The following TMTC2 variants were observed in gnomAD, a reference collection of about 807,000 sequenced individuals.
TMTC2 encodes the protein protein O-mannosyl-transferase TMTC2.
A neutral mutation model predicts 82.4 loss-of-function variants in TMTC2; 43 were observed. The ratio of observed to expected loss-of-function variants is 0.52; its 90% CI spans 0.41 to 0.67. TMTC2 has a LOEUF of 0.67. Among genes scored for constraint, TMTC2 ranks in the 30% least tolerant of loss-of-function variants. TMTC2 has a pLI of 0.00. For synonymous variants in TMTC2, 408 were observed against 381.9 expected (o/e 1.07, Z -0.80); for missense variants, 919 against 1,012.4 (o/e 0.91, Z 1.25).
intron 8 of TMTC2, among the ~76,000 whole-genome samples, chr12:83,024,147 T>C (rs1418238770): frequency 6.6e-6 from 1 of 152,190 alleles, no homozygotes; most frequent in Non-Finnish European, 1.5e-5. Context: ...CTCAAGTTGA[T>C]GGACACCCCA....
At chr12:82,909,504 C>A (rs1474096718) in intron 3 of TMTC2, among the ~76,000 whole-genome samples, 2 of 151,856 alleles carry the variant, frequency 1.3e-5, no homozygotes, top group African/African-American at 4.8e-5. Context: ...CACACCCTGC[C>A]AATTTTTTTG....
chr12:82,995,994 C>T (rs1879600538), intron 8 of TMTC2, among the ~76,000 whole-genome samples: 1 of 152,104 alleles, frequency 6.6e-6, no homozygotes, highest in South Asian at 2.1e-4. Flanking sequence ...TATGTGGTAT[C>T]TCATGTACAT....
intron 9 of TMTC2, among the ~76,000 whole-genome samples, chr12:83,045,940 C>T (rs1054412357): frequency 2.6e-5 from 4 of 152,206 alleles, no homozygotes; most frequent in Non-Finnish European, 4.4e-5. Context: ...TAACATATCA[C>T]CCCAGAAGTA....
intron 1 of TMTC2, among the ~76,000 whole-genome samples, chr12:82,776,615 G>GAAAAAAAA (rs750550745): frequency 1.1e-5 from 1 of 87,374 alleles, no homozygotes. Context: ...TGTCTCTAAT[G>GAAAAAAAA]AAAAAAAAAA....
chr12:83,078,029 T>A (rs2137499723), intron 11 of TMTC2, among the ~76,000 whole-genome samples: 1 of 151,934 alleles, frequency 6.6e-6, no homozygotes, highest in East Asian at 1.9e-4. Flanking sequence ...AGGGACAACA[T>A]CAAGGGTAGG....
chr12:82,757,699 GT>G (rs1876413725), intron 1 of TMTC2, among the ~76,000 whole-genome samples: 1 of 152,188 alleles, frequency 6.6e-6, no homozygotes, highest in South Asian at 2.1e-4. Context: ...GGCATCAAGT[GT>G]TGATAATTCT....
chr12:83,114,857 ATATATGTGTGTATATATG>A (rs1884703653), intron 11 of TMTC2, among the ~76,000 whole-genome samples: 1 of 151,406 alleles, frequency 6.6e-6, no homozygotes, highest in African/African-American at 2.4e-5. Flanking sequence ...TATATATCTG[ATATATGTGTGTATATATG>A]TATATGTGTG....
intron 1 of TMTC2, among the ~76,000 whole-genome samples, chr12:82,764,085 CA>C (rs1406038542): frequency 4.6e-5 from 7 of 152,080 alleles, no homozygotes; most frequent in Admixed American, 3.3e-4. Flanking sequence ...TTCTTTACAT[CA>C]ATATGGGAAA....
chr12:82,705,422 T>C (rs551999009), intron 1 of TMTC2, among the ~76,000 whole-genome samples: 3 of 152,356 alleles, frequency 2.0e-5, no homozygotes, highest in Non-Finnish European at 2.9e-5. Flanking sequence ...GTAGATTGTT[T>C]TGTAGTGTAT....
chr12:82,692,694 A>G (rs754909773), intron 1 of TMTC2, among the ~76,000 whole-genome samples: 2 of 152,144 alleles, frequency 1.3e-5, no homozygotes, highest in Non-Finnish European at 2.9e-5. Flanking sequence ...TCAGCTTTGG[A>G]TACTTATTTT....
At chr12:82,876,017 A>AGTG (rs1872470895) in intron 2 of TMTC2, among the ~76,000 whole-genome samples, 2 of 92,948 alleles carry the variant, frequency 2.2e-5, no homozygotes, top group Non-Finnish European at 3.9e-5. Context: ...TGGTAATGGT[A>AGTG]GTAGTGGTGG....
intron 11 of TMTC2, among the ~76,000 whole-genome samples, chr12:83,094,176 G>A (rs78003549): frequency 0.022 from 3,319 of 152,288 alleles, 116 homozygotes; most frequent in African/African-American, 0.076. Flanking sequence ...CAACATCCGC[G>A]TATGCCCTGG....
chr12:83,097,921 A>G (rs1884088347), intron 11 of TMTC2, among the ~76,000 whole-genome samples: 1 of 152,206 alleles, frequency 6.6e-6, no homozygotes, highest in South Asian at 2.1e-4. Flanking sequence ...GCAGGAGCTG[A>G]GGCTGGAGAG....
chr12:82,936,682 GC>G (rs1876335838), intron 4 of TMTC2, among the ~76,000 whole-genome samples: 1 of 152,026 alleles, frequency 6.6e-6, no homozygotes, highest in Non-Finnish European at 1.5e-5. Context: ...ACCAGCAGCT[GC>G]CTTGGAAAGC....
rs555274413 is a variant in TMTC2 at position 83,109,659 on chromosome 12, T to C, written c.2332-22551T>C. On this transcript the variant is annotated intron_variant, in intron 11 of 11. Transcript: ENST00000321196. Reference sequence around the variant, plus strand: ...TATGGAAATCACCAGTGTTTCATGGTTTTTCACATTATGACTCACACCCCT... The same window carrying C: ...TATGGAAATCACCAGTGTTTCATGGCTTTTCACATTATGACTCACACCCCT... Among the ~76,000 whole-genome samples the C allele has an allele frequency of 3.8e-3, 572 of 152,212 alleles. 2 individuals are homozygous for C. Among genetic ancestry groups the C allele is most frequent in the South Asian group, 0.022 (106 of 4,818 alleles).
chr12:82,796,026 TA>T (rs1420487603), intron 1 of TMTC2, among the ~76,000 whole-genome samples: 1 of 152,148 alleles, frequency 6.6e-6, no homozygotes, highest in Non-Finnish European at 1.5e-5. Flanking sequence ...TGGGTTACAA[TA>T]CCAGAACACC....
At chr12:82,745,298 A>G (rs1875630435) in intron 1 of TMTC2, among the ~76,000 whole-genome samples, 1 of 152,036 alleles carries the variant, frequency 6.6e-6, no homozygotes, top group African/African-American at 2.4e-5. Flanking sequence ...GTTGTAGAAA[A>G]CCTTTTGTAG....
intron 1 of TMTC2, among the ~76,000 whole-genome samples, chr12:82,767,019 A>G (rs1460213416): frequency 1.3e-5 from 2 of 152,026 alleles, no homozygotes; most frequent in African/African-American, 2.4e-5. Context: ...TGGATTGACA[A>G]TAGCTTTTTT....
intron 1 of TMTC2, among the ~76,000 whole-genome samples, chr12:82,847,872 C>T (rs571320988): frequency 2.0e-5 from 3 of 152,026 alleles, no homozygotes; most frequent in East Asian, 1.9e-4. Context: ...GTGCAGCAAA[C>T]CAACATGGCA....
Sources: allele counts gnomAD v4.1 joint callset (sites outside exome capture counted in the v4.1 genomes callset), GRCh38; gene constraint gnomAD v4.1.1; transcripts MANE v1.5; gene names NCBI Gene and HGNC (gene_info 2026-07-23, HGNC 2026-07-21).